Variants in NEGR1 observed in about 807,000 individuals in gnomAD.
The protein encoded by NEGR1 is IgLON family member 4.
Under a neutral mutation model 40.9 loss-of-function variants are expected in NEGR1, and 10 were observed. The ratio of observed to expected loss-of-function variants is 0.24; its 90% CI spans 0.15 to 0.42. NEGR1 has a LOEUF of 0.42. Among genes scored for constraint, NEGR1 ranks in the 10% least tolerant of loss-of-function variants. The pLI is 1.00. For synonymous variants in NEGR1, 185 were observed against 166.8 expected (o/e 1.11, Z -0.84); for missense variants, 352 against 438.9 (o/e 0.80, Z 1.77).
chr1:71,414,814 G>T (rs567633625), intron 6 of NEGR1, among the ~76,000 whole-genome samples: 1 of 152,224 alleles, frequency 6.6e-6, no homozygotes, highest in Middle Eastern at 3.4e-3. Context: ...CTGTCTGTTT[G>T]TTTACTAAAC....
intron 1 of NEGR1, among the ~76,000 whole-genome samples, chr1:72,277,628 C>T (rs1656102917): frequency 6.6e-6 from 1 of 152,172 alleles, no homozygotes; most frequent in East Asian, 1.9e-4. Context: ...ATTACATATC[C>T]TAGAACATAT....
chr1:71,478,087 T>C (rs1173841364), intron 6 of NEGR1, among the ~76,000 whole-genome samples: 1 of 152,056 alleles, frequency 6.6e-6, no homozygotes, highest in African/African-American at 2.4e-5. Context: ...TGAATATATG[T>C]CTTTCTCTTT....
At position 71,612,679 on chromosome 1, in the gene NEGR1, T is replaced by C. The variant is rs79184273; in HGVS notation, c.668-1533A>G. 5.1e-3 allele frequency among the ~76,000 whole-genome samples: 783 copies of C among 152,306 alleles called. 5 individuals are homozygous for C. Among genetic ancestry groups the C allele is most frequent in the African/African-American group, 0.018 (731 of 41,568 alleles). ...GAATGGAATGGAATACTATTTTCGA[T>C]AGGGTAATCTGAGTAGGCCTCATTG... On this transcript the variant is annotated intron_variant, in intron 4 of 6. Coordinates refer to ENST00000357731, the MANE Select transcript of NEGR1 (RefSeq NM_173808.3).
chr1:71,411,077 G>C (rs529667344), intron 6 of NEGR1, among the ~76,000 whole-genome samples: 1 of 152,146 alleles, frequency 6.6e-6, no homozygotes, highest in South Asian at 2.1e-4. Flanking sequence ...TTTTATCTTT[G>C]ATACTGAACA....
At chr1:72,054,571 T>C (rs1456978748) in intron 1 of NEGR1, among the ~76,000 whole-genome samples, 1 of 151,336 alleles carries the variant, frequency 6.6e-6, no homozygotes, top group Non-Finnish European at 1.5e-5. Context: ...TAGCAATAGA[T>C]ATGTATTTAA....
chr1:72,172,675 G>A (rs1379460429), intron 1 of NEGR1, among the ~76,000 whole-genome samples: 1 of 152,152 alleles, frequency 6.6e-6, no homozygotes, highest in African/African-American at 2.4e-5. Flanking sequence ...CACAAACATT[G>A]CAGTTATGAA....
intron 1 of NEGR1, among the ~76,000 whole-genome samples, chr1:72,121,687 T>C (rs1026376767): frequency 1.3e-5 from 2 of 151,880 alleles, no homozygotes; most frequent in Non-Finnish European, 2.9e-5. Context: ...AGTCTATCAA[T>C]TGATCTGTAA....
At chr1:71,918,386 G>A (rs950901752) in intron 2 of NEGR1, among the ~76,000 whole-genome samples, 2 of 151,812 alleles carry the variant, frequency 1.3e-5, no homozygotes, top group Admixed American at 6.6e-5. Context: ...CTTTGGAGTT[G>A]GGGAACAAAA....
At chr1:72,221,103 C>T (rs1653998472) in intron 1 of NEGR1, among the ~76,000 whole-genome samples, 1 of 152,014 alleles carries the variant, frequency 6.6e-6, no homozygotes, top group South Asian at 2.1e-4. Context: ...ATAATCTGTT[C>T]TACGCCATTC....
intron 4 of NEGR1, among the ~76,000 whole-genome samples, chr1:71,613,462 C>T (rs1650334983): frequency 2.0e-5 from 3 of 151,938 alleles, no homozygotes; most frequent in South Asian, 2.1e-4. Flanking sequence ...GCCTGGCCAA[C>T]GTGGTGAAAC....
chr1:71,959,756 T>C (rs1646148498), intron 1 of NEGR1, among the ~76,000 whole-genome samples: 1 of 152,124 alleles, frequency 6.6e-6, no homozygotes, highest in African/African-American at 2.4e-5. Context: ...ACTTTAAATA[T>C]TTTTATGAAA....
At chr1:72,024,101 C>T (rs1646785785) in intron 1 of NEGR1, among the ~76,000 whole-genome samples, 2 of 152,056 alleles carry the variant, frequency 1.3e-5, no homozygotes, top group African/African-American at 2.4e-5. Context: ...CAAGGCAACA[C>T]CCTTGTTCAA....
chr1:71,691,966 C>T (rs1273397936), intron 4 of NEGR1, among the ~76,000 whole-genome samples: 2 of 151,478 alleles, frequency 1.3e-5, no homozygotes, highest in Non-Finnish European at 1.5e-5. Context: ...CAGTGAAACC[C>T]CAAGGTTGAG....
intron 2 of NEGR1, among the ~76,000 whole-genome samples, chr1:71,907,020 C>A (rs867390476): frequency 9.2e-5 from 14 of 152,250 alleles, no homozygotes; most frequent in Middle Eastern, 3.4e-3. Flanking sequence ...GAAAATGTTA[C>A]GAATTAACTA....
In NEGR1 at chr1:72,136,657, C is replaced by CAA. The variant is rs1227030046; in HGVS notation, c.176+145660_176+145661dup. On this transcript the variant is annotated intron_variant, in intron 1 of 6. Coordinates refer to ENST00000357731, the MANE Select transcript of NEGR1 (RefSeq NM_173808.3). The stretch of plus-strand genomic sequence containing the variant: ...TACTCAATTTGTCCAAAAAAAAAGG[C>CAA]AAAAAAAAAAAAATCCAAGCACAAG... Among the ~76,000 whole-genome samples the CAA allele has an allele frequency of 1.6e-3, 199 of 123,892 alleles. 1 individual carries two copies. The highest frequency in any genetic ancestry group is 2.9e-3 in the Admixed American group (37 of 12,574). 81.3% of individuals were successfully genotyped at this position (123,892 alleles called of 152,430 possible).
chr1:71,650,252 C>T (rs1651667757), intron 4 of NEGR1, among the ~76,000 whole-genome samples: 1 of 152,082 alleles, frequency 6.6e-6, no homozygotes, highest in Admixed American at 6.6e-5. Context: ...ATTTCAGTGA[C>T]CCCTGAATAA....
At chr1:71,508,244 C>T (rs1557549847) in intron 6 of NEGR1, among the ~76,000 whole-genome samples, 1 of 152,078 alleles carries the variant, frequency 6.6e-6, no homozygotes, top group Non-Finnish European at 1.5e-5. Flanking sequence ...TTAAGTGCTC[C>T]TGGCCACTAT....
chr1:71,779,852 A>T (rs527395528), intron 2 of NEGR1, among the ~76,000 whole-genome samples: 1 of 152,184 alleles, frequency 6.6e-6, no homozygotes, highest in South Asian at 2.1e-4. Flanking sequence ...TACAGGAGTG[A>T]GCCACCACAC....
chr1:71,675,703 G>T (rs750194220), intron 4 of NEGR1, among the ~76,000 whole-genome samples: 2 of 152,064 alleles, frequency 1.3e-5, no homozygotes, highest in Non-Finnish European at 2.9e-5. Flanking sequence ...AACATGAATA[G>T]GGTATACAGA....
Sources: allele counts gnomAD v4.1 joint callset (sites outside exome capture counted in the v4.1 genomes callset), GRCh38; gene constraint gnomAD v4.1.1; transcripts MANE v1.5; gene names NCBI Gene and HGNC (gene_info 2026-07-23, HGNC 2026-07-21).